COL11A1: variants seen among roughly 807,000 people sequenced by gnomAD.
COL11A1 encodes the protein collagen type XI alpha 1 chain.
Under a neutral mutation model 265.2 loss-of-function variants are expected in COL11A1, and 74 were observed. The ratio of observed to expected loss-of-function variants is 0.28; its 90% CI spans 0.23 to 0.34. The LOEUF (loss-of-function observed/expected upper bound fraction) is 0.34. Among genes scored for constraint, COL11A1 ranks in the 10% least tolerant of loss-of-function variants. COL11A1 has a pLI of 1.00. For synonymous variants in COL11A1, 816 were observed against 727.6 expected (o/e 1.12, Z -1.96); for missense variants, 2,165 against 2,263.6 (o/e 0.96, Z 0.88).
intron 1 of COL11A1, among the ~76,000 whole-genome samples, chr1:103,098,865 G>A (rs1243297448): frequency 1.3e-5 from 2 of 151,742 alleles, no homozygotes; most frequent in African/African-American, 4.8e-5. Flanking sequence ...GAGTGCTTAG[G>A]GTAGAGGTCA....
chr1:103,061,754 A>T (rs1670694689), intron 4 of COL11A1, among the ~76,000 whole-genome samples: 1 of 152,008 alleles, frequency 6.6e-6, no homozygotes, highest in Non-Finnish European at 1.5e-5. Flanking sequence ...AAAGATCTAA[A>T]ATCAACTGTC....
At chr1:103,043,846 T>C (rs1669031745) in intron 4 of COL11A1, among the ~76,000 whole-genome samples, 1 of 151,990 alleles carries the variant, frequency 6.6e-6, no homozygotes, top group Non-Finnish European at 1.5e-5. Context: ...AAAAATGTAA[T>C]AGAAAGAAAA....
At chr1:102,970,660 A>G (rs965835882) in intron 36 of COL11A1, among the ~76,000 whole-genome samples, 1 of 152,102 alleles carries the variant, frequency 6.6e-6, no homozygotes, top group South Asian at 2.1e-4. Flanking sequence ...CGGTGCATCA[A>G]AACTTGGATA....
In COL11A1 at chr1:103,022,013, A is replaced by ATTTTT. The variant is rs11381607; in HGVS notation, c.1246-249_1246-245dup. ...AGGCGCCCGCCACCACACCTAGCTA[A>ATTTTT]TTTTTTTTTTTTTTGTATTTTTAGT... On this transcript the variant is annotated intron_variant, in intron 8 of 66. Transcript: ENST00000370096. Among the ~76,000 whole-genome samples the ATTTTT allele has an allele frequency of 0.013, 1,873 of 139,554 alleles. 32 individuals are homozygous for ATTTTT. Among genetic ancestry groups the ATTTTT allele is most frequent in the East Asian group, 0.064 (305 of 4,746 alleles). The allele number at this position is 139,554 out of a possible 152,430, so 91.6% of individuals were successfully genotyped here.
rs1666695016 is a variant in COL11A1 at position 103,017,898 on chromosome 1, CCAT to C, written c.1351-19_1351-17del. ...CCATAATACCCTATAGAGAAACACA[CCAT>C]ATCTTAATCAGATTCCTAATCTCAT... is the stretch of plus-strand genomic sequence containing the variant. On this transcript the variant is annotated splice_polypyrimidine_tract_variant and intron_variant, in intron 10 of 66. Transcript: ENST00000370096. 6.3e-7 allele frequency: 1 copy of C among 1,596,744 alleles called. No homozygotes were observed. The highest frequency in any genetic ancestry group is 1.7e-5 in the Admixed American group (1 of 59,954).
rs1475421588 is a variant in COL11A1 at position 102,876,979 on chromosome 1, A to G, written c.*1040T>C. ...GAGACTGTTATAATATGCAACTTAG[A>G]ATCAAATTCAAGAACTTGATTGATA... On this transcript the variant is annotated 3_prime_UTR_variant, in exon 67 of 67. Transcript: ENST00000370096. The G allele has an allele frequency of 6.6e-6, 1 of 152,544 alleles. No individual in the cohort carries two copies. Among genetic ancestry groups the G allele is most frequent in the African/African-American group, 2.4e-5 (1 of 41,450 alleles). 9.4% of individuals were successfully genotyped at this position (152,544 alleles called of 1,614,324 possible).
intron 57 of COL11A1, among the ~76,000 whole-genome samples, chr1:102,896,968 G>A (rs1652508286): frequency 6.6e-6 from 1 of 152,058 alleles, no homozygotes; most frequent in African/African-American, 2.4e-5. Flanking sequence ...AGCTGATCCT[G>A]CTTCAACCGG....
intron 36 of COL11A1, among the ~76,000 whole-genome samples, chr1:102,970,909 G>T (rs145345746): frequency 0.014 from 2,131 of 152,184 alleles, 58 homozygotes; most frequent in African/African-American, 0.049. Flanking sequence ...AGCTACTCGG[G>T]AGGCTGAGGC....
At position 103,060,615 on chromosome 1, in the gene COL11A1, AT is replaced by A. The variant is rs1185403884; in HGVS notation, c.651+14002del. ...TATAAGATACTTGCTTGCATTACTC[AT>A]AAATCAGTATAGTGTTATTTAAAAG... On this transcript the variant is annotated intron_variant, in intron 4 of 66. Coordinates refer to ENST00000370096, the MANE Select transcript of COL11A1 (RefSeq NM_001854.4). Among the ~76,000 whole-genome samples the A allele has an allele frequency of 3.3e-5, 5 of 152,300 alleles. No homozygotes were observed. In the East Asian group the frequency reaches 9.7e-4, roughly 29 times the overall value.
At chr1:102,911,496 G>A (rs533650853) in intron 54 of COL11A1, among the ~76,000 whole-genome samples, 1 of 152,236 alleles carries the variant, frequency 6.6e-6, no homozygotes, top group South Asian at 2.1e-4. Context: ...AAAATAGACT[G>A]CAGGTGGTAC....
chr1:103,099,481 A>T (rs947929155), intron 1 of COL11A1, among the ~76,000 whole-genome samples: 1 of 149,104 alleles, frequency 6.7e-6, no homozygotes, highest in Non-Finnish European at 1.5e-5. Flanking sequence ...ATATATATAT[A>T]TTATATATGG....
chr1:102,996,659 A>C (rs1664660680), intron 26 of COL11A1, among the ~76,000 whole-genome samples: 1 of 151,912 alleles, frequency 6.6e-6, no homozygotes, highest in Non-Finnish European at 1.5e-5. Context: ...ACTAACATTG[A>C]ATATGCACAT....
Position 102,900,959 on chromosome 1 carries a change from T to A in COL11A1, c.4087-1965A>T, listed in dbSNP as rs146475031. On this transcript the variant is annotated intron_variant, in intron 54 of 66. Transcript: ENST00000370096. ...ATACTTTTCCTGAGAGAGTAGTAAG[T>A]CAAGTGGGACCTAATAGAAGGTGTT... Among the ~76,000 whole-genome samples, 401 of 152,108 alleles carry A rather than the reference T, an allele frequency of 2.6e-3. 1 individual carries two copies. Among genetic ancestry groups the A allele is most frequent in the Non-Finnish European group, 4.6e-3 (314 of 67,982 alleles).
intron 4 of COL11A1, among the ~76,000 whole-genome samples, chr1:103,058,410 T>G (rs560279148): frequency 9.8e-5 from 15 of 152,336 alleles, no homozygotes; most frequent in African/African-American, 3.6e-4. Flanking sequence ...ACCATTCATA[T>G]GTTCACTAGA....
At chr1:103,000,336 A>G (rs926528517) in intron 24 of COL11A1, among the ~76,000 whole-genome samples, 4 of 151,870 alleles carry the variant, frequency 2.6e-5, no homozygotes, top group African/African-American at 9.7e-5. Context: ...CTGTGCAGCT[A>G]TGTCTAAAAC....
intron 20 of COL11A1, among the ~76,000 whole-genome samples, chr1:103,004,161 CA>C (rs1306288362): frequency 6.6e-6 from 1 of 151,752 alleles, no homozygotes; most frequent in Non-Finnish European, 1.5e-5. Context: ...GATGACAGCA[CA>C]AAAAACAAAA....
intron 4 of COL11A1, among the ~76,000 whole-genome samples, chr1:103,069,104 G>T (rs961057577): frequency 6.6e-6 from 1 of 151,584 alleles, no homozygotes; most frequent in East Asian, 1.9e-4. Flanking sequence ...ACCCAAAATT[G>T]CTACAACAAT....
At chr1:102,932,637 C>T (rs1657610198) in intron 46 of COL11A1, among the ~76,000 whole-genome samples, 1 of 152,080 alleles carries the variant, frequency 6.6e-6, no homozygotes, top group South Asian at 2.1e-4. Flanking sequence ...GAACATTGGC[C>T]TGCCTTGCTA....
At chr1:103,007,650 G>C (rs972229295) in intron 15 of COL11A1, among the ~76,000 whole-genome samples, 1 of 152,036 alleles carries the variant, frequency 6.6e-6, no homozygotes. Context: ...TTGAGCTCAG[G>C]AGTTTGAGAC....
Sources: gnomAD v4.1 joint callset for allele counts (sites outside exome capture counted in the v4.1 genomes callset) on GRCh38, gnomAD v4.1.1 for gene constraint, MANE v1.5 for transcripts, NCBI Gene and HGNC (gene_info 2026-07-23, HGNC 2026-07-21) for gene names.